The following NOSTRIN variants were observed in gnomAD, a reference collection of about 807,000 sequenced individuals.
NOSTRIN encodes the protein nitric oxide synthase trafficking.
A neutral mutation model predicts 59.0 loss-of-function variants in NOSTRIN; 63 were observed. The ratio of observed to expected loss-of-function variants is 1.07; its 90% CI spans 0.87 to 1.32. The LOEUF (loss-of-function observed/expected upper bound fraction) is 1.32. NOSTRIN is among the 40% of genes most tolerant of loss of function. NOSTRIN has a pLI of 0.00. For synonymous variants in NOSTRIN, 200 were observed against 165.4 expected, an observed-to-expected ratio of 1.21 and a Z score of -1.61; for missense variants, 512 against 473.1, an observed-to-expected ratio of 1.08 and a Z score of -0.76.
At chr2:168,820,827 G>C (rs1375074484) in intron 2 of NOSTRIN, among the ~76,000 whole-genome samples, 1 of 151,788 alleles carries the variant, frequency 6.6e-6, no homozygotes, top group Non-Finnish European at 1.5e-5. Context: ...ACAACATAAA[G>C]GAAAGCAGCA....
chr2:168,793,336 A>G (rs1310404815), upstream of NOSTRIN, among the ~76,000 whole-genome samples: 1 of 152,178 alleles, frequency 6.6e-6, no homozygotes. Flanking sequence ...GCCAGGCGCC[A>G]TGGCTCACAC....
intron 2 of NOSTRIN, among the ~76,000 whole-genome samples, chr2:168,824,112 G>A (rs1460557950): frequency 1.3e-5 from 2 of 152,088 alleles, no homozygotes; most frequent in Admixed American, 1.3e-4. Flanking sequence ...AGAAACCTCT[G>A]TCTTTTTAGG....
At chr2:168,833,827 C>T (rs1257794981) in intron 6 of NOSTRIN, among the ~76,000 whole-genome samples, 1 of 152,064 alleles carries the variant, frequency 6.6e-6, no homozygotes, top group Non-Finnish European at 1.5e-5. Context: ...AAATCGTGGC[C>T]TAGGTTGATG....
At chr2:168,802,595 G>A, upstream of NOSTRIN, 3 of 858,304 alleles carry the variant, frequency 3.5e-6, no homozygotes, top group Non-Finnish European at 6.1e-6. Context: ...TGATTACAGT[G>A]TCCAGAATGC....
intron 8 of NOSTRIN, among the ~76,000 whole-genome samples, chr2:168,844,652 A>G (rs1183037808): frequency 6.6e-6 from 1 of 152,078 alleles, no homozygotes; most frequent in South Asian, 2.1e-4. Context: ...GGGCGGATCA[A>G]GAGGTCAGGA....
chr2:168,844,156 A>G (rs1283581886), intron 8 of NOSTRIN, among the ~76,000 whole-genome samples: 1 of 152,202 alleles, frequency 6.6e-6, no homozygotes, highest in African/African-American at 2.4e-5. Context: ...CTGAGTTTAT[A>G]TGTGTGTGTT....
intron 3 of NOSTRIN, among the ~76,000 whole-genome samples, chr2:168,827,130 C>A (rs983481031): frequency 2.0e-5 from 3 of 152,118 alleles, no homozygotes; most frequent in Admixed American, 6.5e-5. Flanking sequence ...GGCAAGGATG[C>A]AGATCCACCC....
At chr2:168,794,118 A>C (rs1685422876), upstream of NOSTRIN, among the ~76,000 whole-genome samples, 1 of 152,202 alleles carries the variant, frequency 6.6e-6, no homozygotes, top group African/African-American at 2.4e-5. Flanking sequence ...AGGGATTGGC[A>C]CTTGTTCCTC....
At chr2:168,849,646 G>A (rs6746329) in intron 8 of NOSTRIN, among the ~76,000 whole-genome samples, 2,281 of 130,460 alleles carry the variant, frequency 0.017, 60 homozygotes, top group African/African-American at 0.064. Context: ...ATGAGCCACC[G>A]CACCTAGCCA....
At chr2:168,862,120 T>A (rs1689495852) in intron 15 of NOSTRIN, 71 bp downstream of exon 15, 2 of 1,374,130 alleles carry the variant, frequency 1.5e-6, no homozygotes, top group East Asian at 4.6e-5. Flanking sequence ...AAACCCTGTC[T>A]TAGTGTGGCA....
chr2:168,842,859 T>C lies in NOSTRIN; in HGVS notation c.505-133T>C, dbSNP rs1205669220. ...TATAAAGATCTTTCATTTTGTCAAC[T>C]ATAGTCACTGTTTATGACTCTACGT... On this transcript the variant is annotated intron_variant, in intron 7 of 15. Coordinates refer to ENST00000317647, the MANE Select transcript of NOSTRIN (RefSeq NM_001039724.4). The C allele has an allele frequency of 4.5e-6, 3 of 666,846 alleles. No individual in the cohort carries two copies. The Admixed American group carries it at 7.7e-5, about 17-fold the overall frequency. The allele number at this position is 666,846 out of a possible 1,614,324, so 41.3% of individuals were successfully genotyped here. A position where few individuals can be genotyped will look rare whatever the true frequency, so the allele number is the denominator to read the frequency against.
chr2:168,814,155 TA>T (rs1686284674), intron 2 of NOSTRIN, among the ~76,000 whole-genome samples: 1 of 152,196 alleles, frequency 6.6e-6, no homozygotes, highest in South Asian at 2.1e-4. Flanking sequence ...TTCTGTGTAT[TA>T]GCAGGCAAAG....
intron 1 of NOSTRIN, among the ~76,000 whole-genome samples, chr2:168,805,078 G>A (rs889085950): frequency 7.2e-5 from 11 of 151,962 alleles, no homozygotes; most frequent in African/African-American, 1.7e-4. Context: ...TTAACCCTAC[G>A]CTACTTAAAA....
At chr2:168,842,069 A>C (rs1206013095) in intron 7 of NOSTRIN, among the ~76,000 whole-genome samples, 1 of 152,162 alleles carries the variant, frequency 6.6e-6, no homozygotes, top group African/African-American at 2.4e-5. Context: ...TAGGTCAGAT[A>C]ATTTCTTTAT....
At chr2:168,852,181 G>A (rs1290406474) in intron 10 of NOSTRIN, among the ~76,000 whole-genome samples, 1 of 152,180 alleles carries the variant, frequency 6.6e-6, no homozygotes, top group Non-Finnish European at 1.5e-5. Context: ...ATACTCAAAG[G>A]TGGGTGTGAG....
At chr2:168,832,169 AT>A (rs1468824403) in intron 6 of NOSTRIN, among the ~76,000 whole-genome samples, 1 of 152,070 alleles carries the variant, frequency 6.6e-6, no homozygotes, top group Non-Finnish European at 1.5e-5. Context: ...CTAAGACATA[AT>A]TTTTTTCAAG....
intron 1 of NOSTRIN, among the ~76,000 whole-genome samples, chr2:168,804,404 C>G (rs969983004): frequency 6.6e-6 from 1 of 152,116 alleles, no homozygotes; most frequent in Non-Finnish European, 1.5e-5. Flanking sequence ...GTTTCCAAAC[C>G]CTCTAAACTC....
intron 7 of NOSTRIN, among the ~76,000 whole-genome samples, chr2:168,841,156 C>G (rs935881282): frequency 2.1e-5 from 3 of 140,212 alleles, no homozygotes; most frequent in Non-Finnish European, 4.5e-5. Flanking sequence ...GAACCCGGGA[C>G]AAGGAGGTTG....
intron 2 of NOSTRIN, among the ~76,000 whole-genome samples, chr2:168,814,878 C>T (rs1303939704): frequency 9.9e-5 from 15 of 152,188 alleles, no homozygotes; most frequent in Non-Finnish European, 1.5e-5. Flanking sequence ...CCAGCCTGTT[C>T]AACAAAGCAC....
Sources: allele counts gnomAD v4.1 joint callset (sites outside exome capture counted in the v4.1 genomes callset), GRCh38; gene constraint gnomAD v4.1.1; transcripts MANE v1.5; gene names NCBI Gene and HGNC (gene_info 2026-07-23, HGNC 2026-07-21).